The following CTNNA3 variants were observed in gnomAD, a reference collection of about 807,000 sequenced individuals.
CTNNA3 encodes catenin alpha 3.
In CTNNA3, 76 loss-of-function variants were observed where a neutral mutation model predicts 95.7. That is an observed-to-expected ratio of 0.79 (90% CI 0.66 to 0.96). The LOEUF (loss-of-function observed/expected upper bound fraction) is 0.96. Ranked by LOEUF, CTNNA3 falls within the 40% of genes least tolerant of loss-of-function variation. The pLI, the probability that CTNNA3 is intolerant of heterozygous loss-of-function variation, is 0.00. For synonymous variants in CTNNA3, 431 were observed against 374.4 expected (o/e 1.15, Z -1.74); for missense variants, 1,191 against 1,089.8 (o/e 1.09, Z -1.31).
intron 13 of CTNNA3, among the ~76,000 whole-genome samples, chr10:66,200,462 G>A (rs1476951791): frequency 6.6e-6 from 1 of 152,182 alleles, no homozygotes; most frequent in East Asian, 1.9e-4. Flanking sequence ...TTTTGAGATA[G>A]GACTGGAGCT....
chr10:66,669,749 T>G (rs959815661), intron 9 of CTNNA3, among the ~76,000 whole-genome samples: 2 of 152,102 alleles, frequency 1.3e-5, no homozygotes, highest in Non-Finnish European at 2.9e-5. Context: ...GCATGAATTT[T>G]CCAAGCTTTG....
At chr10:65,933,011 A>T (rs2133150439) in intron 17 of CTNNA3, among the ~76,000 whole-genome samples, 1 of 152,184 alleles carries the variant, frequency 6.6e-6, no homozygotes, top group South Asian at 2.1e-4. Context: ...CAATTTTTGA[A>T]TGCTATATGC....
At chr10:66,174,224 T>G (rs962027939) in intron 13 of CTNNA3, among the ~76,000 whole-genome samples, 3 of 152,156 alleles carry the variant, frequency 2.0e-5, no homozygotes, top group African/African-American at 7.2e-5. Context: ...AGGCTCTTAT[T>G]TAGTATAATA....
intron 5 of CTNNA3, among the ~76,000 whole-genome samples, chr10:67,340,192 G>C (rs1842133802): frequency 6.6e-6 from 1 of 152,100 alleles, no homozygotes; most frequent in African/African-American, 2.4e-5. Flanking sequence ...GAGGAAGGAG[G>C]AGGGATTTAT....
chr10:66,527,551 T>C (rs889114367), intron 10 of CTNNA3, among the ~76,000 whole-genome samples: 2 of 152,188 alleles, frequency 1.3e-5, no homozygotes, highest in Non-Finnish European at 2.9e-5. Context: ...ACATATGATG[T>C]CTTTTCTGTT....
At chr10:67,123,327 A>G (rs1859557838) in intron 7 of CTNNA3, among the ~76,000 whole-genome samples, 1 of 152,136 alleles carries the variant, frequency 6.6e-6, no homozygotes, top group Admixed American at 6.6e-5. Context: ...CTAGTCCTGG[A>G]AAAAAATTAT....
At chr10:66,780,553 G>A (rs1331886808) in intron 7 of CTNNA3, among the ~76,000 whole-genome samples, 1 of 152,114 alleles carries the variant, frequency 6.6e-6, no homozygotes, top group African/African-American at 2.4e-5. Context: ...GAGAAAGCCA[G>A]GTCAACACAA....
intron 3 of CTNNA3, among the ~76,000 whole-genome samples, chr10:67,550,506 T>A (rs1840985744): frequency 1.4e-5 from 2 of 146,988 alleles, no homozygotes; most frequent in Admixed American, 1.3e-4. Context: ...ACACATAGAA[T>A]AAAGAAAATA....
chr10:66,348,788 A>G (rs1283106793), intron 12 of CTNNA3, among the ~76,000 whole-genome samples: 1 of 152,090 alleles, frequency 6.6e-6, no homozygotes, highest in Non-Finnish European at 1.5e-5. Flanking sequence ...CTTGAATAGA[A>G]TATTTAATAA....
intron 7 of CTNNA3, among the ~76,000 whole-genome samples, chr10:67,109,241 A>C (rs1292385592): frequency 6.6e-6 from 1 of 152,198 alleles, no homozygotes; most frequent in African/African-American, 2.4e-5. Flanking sequence ...TTACTATAAA[A>C]TATTTCATTT....
In CTNNA3 at chr10:66,560,329, C is replaced by T. The variant is rs762048143; in HGVS notation, c.1375-39556G>A. On this transcript the variant is annotated intron_variant, in intron 10 of 17. Coordinates refer to ENST00000433211, the MANE Select transcript of CTNNA3 (RefSeq NM_013266.4). ...TTCTTATCTGTAAAACAGTAACCTA[C>T]CTCATGGCACTGTTGTCATAATTGA... is the stretch of plus-strand genomic sequence containing the variant. Among the ~76,000 whole-genome samples the T allele has an allele frequency of 1.7e-4, 25 of 145,900 alleles. 1 individual carries two copies. The highest frequency in any genetic ancestry group is 3.2e-3 in the Middle Eastern group (1 of 314).
intron 10 of CTNNA3, among the ~76,000 whole-genome samples, chr10:66,559,407 T>A (rs1842484846): frequency 1.6e-5 from 2 of 128,246 alleles, no homozygotes; most frequent in Non-Finnish European, 1.6e-5. Context: ...CAATATTGCC[T>A]CCTTCCAGAG....
chr10:65,981,031 T>G (rs1009173885), intron 16 of CTNNA3, among the ~76,000 whole-genome samples: 1 of 152,030 alleles, frequency 6.6e-6, no homozygotes, highest in East Asian at 1.9e-4. Flanking sequence ...GGCATCCAAA[T>G]CGGTAAAGAG....
intron 12 of CTNNA3, among the ~76,000 whole-genome samples, chr10:66,293,118 C>T (rs1278811462): frequency 1.3e-5 from 2 of 152,046 alleles, no homozygotes; most frequent in African/African-American, 2.4e-5. Flanking sequence ...AACTGCATAG[C>T]TAGCAAAAAA....
At chr10:67,539,814 A>C in intron 3 of CTNNA3, 145 bp from the exon 4 acceptor site, 1 of 677,638 alleles carries the variant, frequency 1.5e-6, no homozygotes, top group Non-Finnish European at 2.4e-6. Flanking sequence ...TCTCTCAATA[A>C]ACAATGCAGT....
chr10:66,452,460 C>T (rs1269629054), intron 11 of CTNNA3, among the ~76,000 whole-genome samples: 1 of 152,102 alleles, frequency 6.6e-6, no homozygotes, highest in Non-Finnish European at 1.5e-5. Context: ...CCCCAAGCTG[C>T]CCTTGCACAT....
intron 4 of CTNNA3, among the ~76,000 whole-genome samples, chr10:67,526,383 C>A (rs1840146565): frequency 2.2e-5 from 3 of 136,174 alleles, no homozygotes; most frequent in Non-Finnish European, 1.5e-5. Flanking sequence ...TAAGGAATGA[C>A]TATAAAAGTT....
chr10:66,148,138 T>C (rs932864112), intron 13 of CTNNA3, among the ~76,000 whole-genome samples: 4 of 152,090 alleles, frequency 2.6e-5, no homozygotes, highest in African/African-American at 7.2e-5. Context: ...AATCATTTGC[T>C]TTTCTTAGTA....
chr10:66,722,357 G>T (rs553110681), intron 9 of CTNNA3, among the ~76,000 whole-genome samples: 2 of 145,758 alleles, frequency 1.4e-5, no homozygotes, highest in African/African-American at 5.0e-5. Context: ...CAGACTGGAC[G>T]ACAGAGCGAG....
Sources: allele counts gnomAD v4.1 joint callset (sites outside exome capture counted in the v4.1 genomes callset), GRCh38; gene constraint gnomAD v4.1.1; transcripts MANE v1.5; gene names NCBI Gene and HGNC (gene_info 2026-07-23, HGNC 2026-07-21).